POT1: variants seen among roughly 807,000 people sequenced by gnomAD.
The protein encoded by POT1 is protection of telomeres 1.
A neutral mutation model predicts 78.5 loss-of-function variants in POT1; 47 were observed. The ratio of observed to expected loss-of-function variants is 0.60; its 90% CI spans 0.47 to 0.76. POT1 has a LOEUF of 0.76. Among genes scored for constraint, POT1 ranks in the 30% least tolerant of loss-of-function variants. The pLI, the probability that POT1 is intolerant of heterozygous loss-of-function variation, is 0.00. For missense variants in POT1, 646 were observed against 749.9 expected, an observed-to-expected ratio of 0.86 and a Z score of 1.62; for synonymous variants, 259 against 260.7, an observed-to-expected ratio of 0.99 and a Z score of 0.06.
intron 2 of POT1, among the ~76,000 whole-genome samples, chr7:124,915,858 T>C (rs1797003165): frequency 6.6e-6 from 1 of 152,176 alleles, no homozygotes; most frequent in African/African-American, 2.4e-5. Flanking sequence ...GTTTATAATA[T>C]AATTTCCTAA....
intron 7 of POT1, among the ~76,000 whole-genome samples, chr7:124,868,368 A>T (rs1795782053): frequency 6.6e-6 from 1 of 152,168 alleles, no homozygotes; most frequent in African/African-American, 2.4e-5. Flanking sequence ...ACAATATATA[A>T]AACATAAAAT....
chr7:124,851,499 T>G (rs1785108488), intron 11 of POT1, among the ~76,000 whole-genome samples: 1 of 152,104 alleles, frequency 6.6e-6, no homozygotes, highest in Admixed American at 6.5e-5. Context: ...TGTATACATC[T>G]AACATAACTA....
chr7:124,859,159 C>G (rs767508196), intron 8 of POT1, 47 bp from the exon 9 acceptor site: 8 of 1,410,326 alleles, frequency 5.7e-6, no homozygotes, highest in Non-Finnish European at 5.6e-6. Flanking sequence ...TGAAAAAATG[C>G]TTGTGCTAAA....
chr7:124,872,271 G>T (rs1197010507), intron 6 of POT1, among the ~76,000 whole-genome samples: 1 of 152,134 alleles, frequency 6.6e-6, no homozygotes, highest in African/African-American at 2.4e-5. Context: ...GAATAAGCCT[G>T]CAATGAACAT....
intron 6 of POT1, among the ~76,000 whole-genome samples, chr7:124,881,483 A>G (rs1796117470): frequency 6.6e-6 from 1 of 152,058 alleles, no homozygotes; most frequent in Non-Finnish European, 1.5e-5. Flanking sequence ...TCTATCAAGA[A>G]CAATAAGAAA....
intron 11 of POT1, chr7:124,848,689 A>G (rs1392950294): frequency 1.2e-5 from 2 of 169,264 alleles, no homozygotes; most frequent in Non-Finnish European, 2.6e-5. Flanking sequence ...AAAAAAAGAG[A>G]TATGTAGAAA....
chr7:124,828,901 AAAT>A (rs752046428), intron 16 of POT1: 1 of 547,514 alleles, frequency 1.8e-6, no homozygotes, highest in South Asian at 1.4e-5. Context: ...AGTTTCAGGT[AAAT>A]AATAATTTCA....
Position 124,829,327 on chromosome 7 carries a change from A to G in POT1, c.1521T>C (p.Ser507=). ...TTAGATTTTGTATGGATCTCAAACT[A>G]GAACACTGTTTACATCTGAAATTTA... ...TIHHYGCKQC[S]SLRSIQNLNS... The change falls in exon 16 of 19, where the codon TCT becomes TCC. Residue 507 remains serine, a synonymous_variant. Transcript: ENST00000357628. The G allele has an allele frequency of 6.3e-7, 1 of 1,578,620 alleles. No homozygotes were observed. Among genetic ancestry groups the G allele is most frequent in the Non-Finnish European group, 8.7e-7 (1 of 1,148,906 alleles).
intron 2 of POT1, among the ~76,000 whole-genome samples, chr7:124,922,490 A>C (rs1010774324): frequency 6.6e-6 from 1 of 152,022 alleles, no homozygotes; most frequent in Non-Finnish European, 1.5e-5. Flanking sequence ...ATGGAATTTC[A>C]CTATTATAAG....
chr7:124,825,885 C>T (rs1794618667), intron 17 of POT1, among the ~76,000 whole-genome samples: 1 of 152,046 alleles, frequency 6.6e-6, no homozygotes. Context: ...AAAAATTCTC[C>T]TCTCAACTAT....
At chr7:124,864,254 C>G (rs1267639549) in intron 7 of POT1, among the ~76,000 whole-genome samples, 1 of 152,100 alleles carries the variant, frequency 6.6e-6, no homozygotes, top group African/African-American at 2.4e-5. Context: ...CTTCATTTCC[C>G]TTATGTTTAC....
At chr7:124,860,375 CTACA>C (rs1213055676) in intron 8 of POT1, among the ~76,000 whole-genome samples, 1 of 151,976 alleles carries the variant, frequency 6.6e-6, no homozygotes, top group Non-Finnish European at 1.5e-5. Context: ...TATGGTCATC[CTACA>C]TAAATAGTGT....
At chr7:124,861,157 T>A (rs1055066802) in intron 8 of POT1, among the ~76,000 whole-genome samples, 12 of 152,162 alleles carry the variant, frequency 7.9e-5, no homozygotes, top group African/African-American at 2.7e-4. Flanking sequence ...GTATTTCTGG[T>A]TTTAGATCCT....
intron 1 of POT1, 66 bp downstream of exon 1, chr7:124,929,728 A>G (rs1304917907): frequency 6.6e-6 from 1 of 152,160 alleles, no homozygotes; most frequent in Non-Finnish European, 1.5e-5. Flanking sequence ...AACTAATTCA[A>G]TCCCGGGCCC....
intron 7 of POT1, among the ~76,000 whole-genome samples, chr7:124,869,414 A>G (rs1274788141): frequency 2.0e-5 from 3 of 152,134 alleles, no homozygotes; most frequent in African/African-American, 7.2e-5. Flanking sequence ...ATGTTTATCT[A>G]TTTGCTATTA....
At chr7:124,887,254 T>C (rs1796268287) in intron 6 of POT1, among the ~76,000 whole-genome samples, 1 of 152,090 alleles carries the variant, frequency 6.6e-6, no homozygotes, top group Non-Finnish European at 1.5e-5. Context: ...CAAGCACAAA[T>C]TTCTCTACTT....
At chr7:124,829,400 A>T (rs553128480) in intron 15 of POT1, 58 bp from the exon 16 acceptor site, 210 of 1,149,296 alleles carry the variant, frequency 1.8e-4, no homozygotes, top group African/African-American at 7.4e-4. Flanking sequence ...CTTGTTTGTT[A>T]TAACTTTTTA....
chr7:124,882,263 A>G (rs1044696515), intron 6 of POT1, among the ~76,000 whole-genome samples: 3 of 152,058 alleles, frequency 2.0e-5, no homozygotes, highest in Non-Finnish European at 4.4e-5. Context: ...ACCAATCAGT[A>G]TTTGAGCAAC....
intron 6 of POT1, among the ~76,000 whole-genome samples, chr7:124,880,992 TG>T (rs1796104742): frequency 6.6e-6 from 1 of 152,018 alleles, no homozygotes; most frequent in Non-Finnish European, 1.5e-5. Context: ...CACGTTAGCA[TG>T]TTCTTAGAAT....
Sources: allele counts gnomAD v4.1 joint callset (sites outside exome capture counted in the v4.1 genomes callset), GRCh38; gene constraint gnomAD v4.1.1; transcripts MANE v1.5; gene names NCBI Gene and HGNC (gene_info 2026-07-23, HGNC 2026-07-21).